HHIPL1: variants seen among roughly 807,000 people sequenced by gnomAD.
The protein encoded by HHIPL1 is HHIP-like protein 1.
HHIPL1 carries 43 observed loss-of-function variants against 61.8 expected under a neutral mutation model. The ratio of observed to expected loss-of-function variants is 0.70; its 90% CI spans 0.55 to 0.90. HHIPL1 has a LOEUF of 0.90. Ranked by LOEUF, HHIPL1 falls within the 40% of genes least tolerant of loss-of-function variation. The pLI is 0.00. For missense variants in HHIPL1, 1,056 were observed against 1,157.7 expected (o/e 0.91, Z 1.28); for synonymous variants, 482 against 515.8 (o/e 0.93, Z 0.89).
At chr14:99,607,762 G>C in the HHIPL1 span, among the ~76,000 whole-genome samples, 2 of 98,558 alleles carry the variant, frequency 2.0e-5, no homozygotes, top group African/African-American at 7.6e-5. Context: ...CTCTCAGTAC[G>C]TGACAGATTG....
At chr14:99,672,198 A>G (rs1205317542) in intron 7 of HHIPL1, 119 bp from the exon 8 acceptor site, 6 of 725,862 alleles carry the variant, frequency 8.3e-6, no homozygotes, top group African/African-American at 1.7e-5. Flanking sequence ...CAGTAGGTGC[A>G]TGGTGAATGG....
chr14:99,637,197 AAAGG>A, the HHIPL1 span, among the ~76,000 whole-genome samples: 245 of 77,808 alleles, frequency 3.1e-3, 1 homozygote, highest in Non-Finnish European at 1.9e-3. Flanking sequence ...TGGAAGAAAG[AAAGG>A]AAGAAAGAAA....
chr14:99,633,846 A>G, the HHIPL1 span, among the ~76,000 whole-genome samples: 196 of 152,270 alleles, frequency 1.3e-3, no homozygotes, highest in African/African-American at 4.4e-3. Context: ...TTGGGGTTTA[A>G]AACAGGCATT....
chr14:99,653,419 G>A (rs550822445), intron 2 of HHIPL1, among the ~76,000 whole-genome samples: 34 of 152,248 alleles, frequency 2.2e-4, no homozygotes, highest in African/African-American at 7.5e-4. Context: ...TGCAACCTCC[G>A]CCTCCCGGGT....
chr14:99,662,914 A>G lies in HHIPL1; in HGVS notation c.1541A>G (p.Gln514Arg), dbSNP rs368136088. ...MSLQENPGTG[Q>R]WQYSEICMGH... ...CTCCAAGAGAACCCAGGGACAGGCC[A>G]GTGGCAGTACAGTGAGATCTGCATG... The change falls in exon 6 of 9, where the codon CAG (glutamine) becomes CGG (arginine). Residue 514 changes from glutamine (Q) to arginine (R), a missense_variant. Physicochemically the swap from Gln to Arg is conservative, Grantham distance 43. Transcript: ENST00000330710. The G allele has an allele frequency of 9.9e-6, 16 of 1,613,186 alleles. No homozygotes were observed. Among genetic ancestry groups the G allele is most frequent in the South Asian group, 3.3e-5 (3 of 90,896 alleles).
At chr14:99,620,239 G>A in the HHIPL1 span, among the ~76,000 whole-genome samples, 3 of 152,196 alleles carry the variant, frequency 2.0e-5, no homozygotes, top group Non-Finnish European at 4.4e-5. Context: ...AGGGAGTCAG[G>A]TCTGTCAGCA....
chr14:99,663,860 G>C (rs1389091872), intron 6 of HHIPL1, among the ~76,000 whole-genome samples: 6 of 152,242 alleles, frequency 3.9e-5, no homozygotes, highest in Non-Finnish European at 8.8e-5. Context: ...AGCCGGCCAG[G>C]AAGGATCTGG....
Position 99,675,181 on chromosome 14 carries a change from C to T in HHIPL1, c.1904C>T (p.Pro635Leu). 2 of 1,127,716 alleles carry T rather than the reference C, an allele frequency of 1.8e-6. No homozygotes were observed. The highest frequency in any genetic ancestry group is 1.0e-4 in the East Asian group (2 of 19,872). 69.9% of individuals were successfully genotyped at this position (1,127,716 alleles called of 1,614,324 possible). ...PRRGRPTAAP[P>L]APTPRPARPT... ...CGAGGGCGCCCCACGGCCGCTCCCC[C>T]CGCGCCAACCCCGCGGCCAGCGCGG... Residue 635 changes from proline to leucine, a missense_variant, in exon 9 of 9, where the codon CCC (proline) becomes CTC (leucine). By Grantham distance (98) the Pro-to-Leu change is moderately conservative. Transcript: ENST00000330710. The surrounding 1 kb of genome is among the most constrained non-coding windows in gnomAD (Gnocchi z 5.4).
intron 1 of HHIPL1, among the ~76,000 whole-genome samples, chr14:99,646,596 G>A (rs1382791038): frequency 1.3e-5 from 2 of 152,104 alleles, no homozygotes; most frequent in Admixed American, 6.5e-5. Flanking sequence ...CCAACATGGC[G>A]AAACTCCATC....
At chr14:99,622,346 C>A in the HHIPL1 span, among the ~76,000 whole-genome samples, 1 of 152,264 alleles carries the variant, frequency 6.6e-6, no homozygotes, top group East Asian at 1.9e-4. Flanking sequence ...AGAGTGTCAC[C>A]CCTGGGGTGC....
At chr14:99,662,624 C>T (rs1363189062) in intron 5 of HHIPL1, among the ~76,000 whole-genome samples, 2 of 152,206 alleles carry the variant, frequency 1.3e-5, no homozygotes, top group Non-Finnish European at 2.9e-5. Context: ...GCTCTGTGGT[C>T]ACCATCTTGA....
chr14:99,645,398 C>A lies in HHIPL1; in HGVS notation c.191C>A (p.Ala64Glu). 1.4e-6 allele frequency: 2 copies of A among 1,417,416 alleles called. No homozygotes were observed. The highest frequency in any genetic ancestry group is 1.5e-5 in the South Asian group (1 of 67,960). The allele number at this position is 1,417,416 out of a possible 1,614,324, so 87.8% of individuals were successfully genotyped here. Reference protein sequence around the residue: ...AELTRRFWALASRVDAAEWAA... With the variant: ...AELTRRFWALESRVDAAEWAA... The stretch of plus-strand genomic sequence containing the variant: ...CTGACCCGCCGCTTCTGGGCCCTGG[C>A]GAGCCGCGTGGACGCCGCCGAGTGG... The change falls in exon 1 of 9, where the codon GCG becomes GAG. Residue 64 changes from alanine to glutamate, a missense_variant. Coordinates refer to ENST00000330710, the MANE Select transcript of HHIPL1 (RefSeq NM_001127258.3).
At chr14:99,628,550 G>A in the HHIPL1 span, among the ~76,000 whole-genome samples, 17 of 141,822 alleles carry the variant, frequency 1.2e-4, no homozygotes, top group Admixed American at 6.6e-4. Flanking sequence ...CATTGCACCC[G>A]AGCCTGGGCA....
chr14:99,637,240 GA>G, the HHIPL1 span, among the ~76,000 whole-genome samples: 5 of 149,162 alleles, frequency 3.4e-5, no homozygotes, highest in African/African-American at 1.2e-4. Flanking sequence ...AAGAAAGAAA[GA>G]AAGAAAGAAA....
At chr14:99,666,921 C>A (rs1303504144) in intron 6 of HHIPL1, among the ~76,000 whole-genome samples, 3 of 151,876 alleles carry the variant, frequency 2.0e-5, no homozygotes, top group Admixed American at 6.5e-5. Flanking sequence ...CCCGGTTACA[C>A]AAGTTACCCC....
chr14:99,643,015 C>T (rs1249393038), upstream of HHIPL1, among the ~76,000 whole-genome samples: 1 of 151,968 alleles, frequency 6.6e-6, no homozygotes, highest in African/African-American at 2.4e-5. Flanking sequence ...ATGTCCCAGG[C>T]TGGCTCTGAT....
chr14:99,655,928 C>T (rs948865405), intron 2 of HHIPL1, among the ~76,000 whole-genome samples: 1 of 152,204 alleles, frequency 6.6e-6, no homozygotes, highest in Non-Finnish European at 1.5e-5. Context: ...ACCCTGCTGT[C>T]TCTGCAGCCA....
chr14:99,652,714 G>T lies in HHIPL1; in HGVS notation c.746G>T (p.Arg249Leu). The stretch of plus-strand genomic sequence containing the variant: ...ACCTCGCCCTGGGAGGGTGACGAGC[G>T]TGGCTTCCTGGGCATTGCCTTCCAC... ...VLTSPWEGDE[R>L]GFLGIAFHPS... The change falls in exon 2 of 9, where the codon CGT becomes CTT. Residue 249 changes from arginine (R) to leucine (L), a missense_variant. By Grantham distance (102) the Arg-to-Leu change is moderately radical. Coordinates refer to ENST00000330710, the MANE Select transcript of HHIPL1 (RefSeq NM_001127258.3). The T allele has an allele frequency of 6.2e-7, 1 of 1,614,012 alleles. No homozygotes were observed. The highest frequency in any genetic ancestry group is 1.3e-5 in the African/African-American group (1 of 75,060).
chr14:99,644,786 T>C (rs2140046730), upstream of HHIPL1, among the ~76,000 whole-genome samples: 1 of 152,208 alleles, frequency 6.6e-6, no homozygotes, highest in Non-Finnish European at 1.5e-5. Context: ...AAATGTTACG[T>C]GGGAGCTTTC....
Sources: gnomAD v4.1 joint callset for allele counts (sites outside exome capture counted in the v4.1 genomes callset) on GRCh38, gnomAD v4.1.1 for gene constraint, Gnocchi (gnomAD v3.1) non-coding constraint, MANE v1.5 for transcripts, NCBI Gene and HGNC (gene_info 2026-07-23, HGNC 2026-07-21) for gene names.